PHACTR4: variants seen among roughly 807,000 people sequenced by gnomAD.
PHACTR4 encodes protein phosphatase 1, regulatory subunit 124.
A neutral mutation model predicts 72.7 loss-of-function variants in PHACTR4; 51 were observed. The ratio of observed to expected loss-of-function variants is 0.70; its 90% confidence interval spans 0.56 to 0.89. The LOEUF (loss-of-function observed/expected upper bound fraction) is 0.89, where lower values mean the gene tolerates loss of function less well. Ranked by LOEUF, PHACTR4 falls within the 40% of genes least tolerant of loss-of-function variation. The probability of loss-of-function intolerance (pLI) is 0.00; values close to 1 mark genes in which losing one functional copy is unlikely to be tolerated. For synonymous variants in PHACTR4, 255 were observed against 302.5 expected (o/e 0.84, Z 1.63); for missense variants, 731 against 861.8 (o/e 0.85, Z 1.90).
Position 28,491,729 on chromosome 1 carries a change from C to T in PHACTR4, c.1958C>T (p.Ala653Val). The T allele has an allele frequency of 1.2e-6, 2 of 1,614,140 alleles. No individual in the cohort carries two copies. The highest frequency in any genetic ancestry group is 1.7e-6 in the Non-Finnish European group (2 of 1,180,024). Residue 653 changes from alanine (A) to valine (V), a missense_variant, in exon 12 of 14, where the codon GCT (alanine) becomes GTT (valine). By Grantham distance (64) the Ala-to-Val change is moderately conservative. Around this residue, in one of 2 missense-constraint regions of PHACTR4, gnomAD observed 110 missense variants for 185.2 expected, o/e 0.59. Transcript: ENST00000373839. ...AATGAATATGTAGAGGTAACAGATG[C>T]TCAAGATTATGACCGGCGAGCCGAC... ...RFNEYVEVTD[A>V]QDYDRRADKP...
At chr1:28,488,446 G>A (rs981331983) in intron 9 of PHACTR4, among the ~76,000 whole-genome samples, 22 of 152,280 alleles carry the variant, frequency 1.4e-4, no homozygotes, top group East Asian at 1.2e-3. Context: ...GTAGTGAGCC[G>A]AGATTGCACC....
At chr1:28,492,344 G>T (rs1397664909) in intron 12 of PHACTR4, among the ~76,000 whole-genome samples, 1 of 151,940 alleles carries the variant, frequency 6.6e-6, no homozygotes, top group Non-Finnish European at 1.5e-5. Context: ...GGCTGAAGCA[G>T]GAGAATTGCT....
intron 2 of PHACTR4, 44 bp downstream of exon 2, chr1:28,407,507 T>C: frequency 3.9e-6 from 6 of 1,549,994 alleles, no homozygotes; most frequent in Non-Finnish European, 5.3e-6. Context: ...CATTTCTGTT[T>C]TATCCTCACC....
chr1:28,496,700 C>A lies in PHACTR4; in HGVS notation c.*151C>A. The A allele has an allele frequency of 1.1e-6, 1 of 880,566 alleles. No homozygotes were observed. The highest frequency in any genetic ancestry group is 1.9e-6 in the Non-Finnish European group (1 of 540,004). The allele number at this position is 880,566 out of a possible 1,614,324, so 54.5% of individuals were successfully genotyped here. On this transcript the variant is annotated 3_prime_UTR_variant, in exon 14 of 14. Transcript: ENST00000373839. ...GGACAGCACTTTGAATGTAGCATTT[C>A]ACTGGAACAGAGTCTTATGTGCTGC...
chr1:28,449,623 G>A (rs1034003494), intron 2 of PHACTR4, among the ~76,000 whole-genome samples: 4 of 151,992 alleles, frequency 2.6e-5, no homozygotes, highest in African/African-American at 9.7e-5. Context: ...AGGCCAAAGT[G>A]GGTGGATCAC....
rs559296931 is a variant in PHACTR4 at position 28,491,052 on chromosome 1, A to G, written c.1878+40A>G. The G allele has an allele frequency of 1.9e-6, 3 of 1,571,114 alleles. No homozygotes were observed. The South Asian group carries it at 3.3e-5, about 17-fold the overall frequency. On this transcript the variant is annotated intron_variant, in intron 11 of 13. Coordinates refer to ENST00000373839, the MANE Select transcript of PHACTR4 (RefSeq NM_001048183.3). ...GTGTTCAGTTAACTATATGTGTTAT[A>G]TTTGGATGGCCTATTTGATTGGAAA...
chr1:28,416,998 T>C (rs529764275), intron 2 of PHACTR4, among the ~76,000 whole-genome samples: 2 of 152,314 alleles, frequency 1.3e-5, no homozygotes, highest in South Asian at 4.1e-4. Flanking sequence ...CTTGACACCC[T>C]GTTGAATTCC....
chr1:28,390,561 G>A lies in PHACTR4; in HGVS notation c.-38-16849G>A, dbSNP rs370857184. 9.2e-5 allele frequency among the ~76,000 whole-genome samples: 14 copies of A among 151,974 alleles called. No homozygotes were observed. In the East Asian group the frequency reaches 1.4e-3, roughly 15 times the overall value. Reference sequence around the variant, plus strand: ...TCCCAGCACTTTGGGAGGTCGAGGCGGGTGGATCACCTGAGGTCAGGAGTT... The same window carrying A: ...TCCCAGCACTTTGGGAGGTCGAGGCAGGTGGATCACCTGAGGTCAGGAGTT... On this transcript the variant is annotated intron_variant, in intron 1 of 13. Transcript: ENST00000373839.
At chr1:28,412,484 A>G (rs1458705340) in intron 2 of PHACTR4, among the ~76,000 whole-genome samples, 1 of 152,178 alleles carries the variant, frequency 6.6e-6, no homozygotes, top group Non-Finnish European at 1.5e-5. Flanking sequence ...TAAAACTAAT[A>G]TTTTTTATTG....
chr1:28,463,716 T>C (rs74064853), intron 4 of PHACTR4, among the ~76,000 whole-genome samples: 15,786 of 152,164 alleles, frequency 0.1, 1,889 homozygotes, highest in African/African-American at 0.3. Flanking sequence ...ACTTTGAGCC[T>C]ACACTCCACC....
intron 1 of PHACTR4, among the ~76,000 whole-genome samples, chr1:28,387,974 C>A (rs538418721): frequency 6.6e-6 from 1 of 151,812 alleles, no homozygotes; most frequent in African/African-American, 2.4e-5. Context: ...GTGATCCACC[C>A]GCCTTGGCCT....
Position 28,473,638 on chromosome 1 carries a change from C to T in PHACTR4, c.908C>T (p.Thr303Ile). 6.2e-7 allele frequency: 1 copy of T among 1,614,034 alleles called. No individual in the cohort carries two copies. The highest frequency in any genetic ancestry group is 8.5e-7 in the Non-Finnish European group (1 of 1,179,990). The change falls in exon 7 of 14, where the codon ACC (threonine) becomes ATC (isoleucine). Residue 303 changes from threonine to isoleucine, a missense_variant. Around this residue, in one of 2 missense-constraint regions of PHACTR4, gnomAD observed 621 missense variants for 676.6 expected, o/e 0.92. Coordinates refer to ENST00000373839, the MANE Select transcript of PHACTR4 (RefSeq NM_001048183.3). ...PLPPKRGIPS[T>I]SVPTLESAAA... Reference sequence around the variant, plus strand: ...CCACCTAAGAGAGGCATTCCATCAACCTCAGTACCCACCTTGGAGTCTGCT... The same window carrying T: ...CCACCTAAGAGAGGCATTCCATCAATCTCAGTACCCACCTTGGAGTCTGCT...
intron 13 of PHACTR4, chr1:28,494,412 T>C (rs1398402708): frequency 6.6e-6 from 1 of 152,008 alleles, no homozygotes; most frequent in East Asian, 1.9e-4. Context: ...ATCCCAGCAC[T>C]TTGGGAGGCT....
intron 2 of PHACTR4, among the ~76,000 whole-genome samples, chr1:28,419,117 C>T (rs1485107957): frequency 2.0e-5 from 3 of 148,416 alleles, no homozygotes; most frequent in Non-Finnish European, 4.4e-5. Flanking sequence ...CTGTTTTCTG[C>T]TTGTTTGGTG....
intron 6 of PHACTR4, among the ~76,000 whole-genome samples, chr1:28,468,075 G>A (rs1206640809): frequency 2.0e-5 from 3 of 152,106 alleles, no homozygotes; most frequent in Non-Finnish European, 4.4e-5. Flanking sequence ...TTGAAAAACA[G>A]GCTTAGAATA....
intron 2 of PHACTR4, among the ~76,000 whole-genome samples, chr1:28,431,198 T>A (rs1450884046): frequency 0.026 from 3,399 of 132,934 alleles, 145 homozygotes; most frequent in African/African-American, 0.09. Flanking sequence ...AAAACCAAAA[T>A]ATATATATAT....
intron 1 of PHACTR4, among the ~76,000 whole-genome samples, chr1:28,376,621 G>A (rs915456202): frequency 2.0e-5 from 3 of 151,004 alleles, no homozygotes; most frequent in South Asian, 2.1e-4. Flanking sequence ...GAGCCACTGC[G>A]CTGGGCCTAT....
intron 1 of PHACTR4, among the ~76,000 whole-genome samples, chr1:28,380,330 A>G: frequency 6.6e-6 from 1 of 152,106 alleles, no homozygotes. Flanking sequence ...TGCTGGGATT[A>G]CAGGCGTGAG....
chr1:28,395,809 G>T (rs1187732332), intron 1 of PHACTR4, among the ~76,000 whole-genome samples: 2 of 117,642 alleles, frequency 1.7e-5, no homozygotes, highest in Non-Finnish European at 3.4e-5. Context: ...ACAATTACAC[G>T]CCTGGCTAAT....
Sources: gnomAD v4.1 joint callset for allele counts (sites outside exome capture counted in the v4.1 genomes callset) on GRCh38, gnomAD v4.1.1 for gene constraint, gnomAD v4.1.1 regional missense constraint, MANE v1.5 for transcripts, NCBI Gene and HGNC (gene_info 2026-07-23, HGNC 2026-07-21) for gene names.